Variants in SIPA1L3 observed in about 807,000 individuals in gnomAD.
SIPA1L3 encodes the protein signal induced proliferation associated 1 like 3, also known as signal-induced proliferation-associated 1-like protein 3.
Under a neutral mutation model 150.1 loss-of-function variants are expected in SIPA1L3, and 59 were observed. The observed-to-expected ratio is 0.39, with a 90% confidence interval of 0.32 to 0.49. The LOEUF (loss-of-function observed/expected upper bound fraction) is 0.49, where lower values mean the gene tolerates loss of function less well. Ranked by LOEUF, SIPA1L3 falls within the 20% of genes least tolerant of loss-of-function variation. The probability of loss-of-function intolerance (pLI) is 0.86; values close to 1 mark genes in which losing one functional copy is unlikely to be tolerated. For synonymous variants in SIPA1L3, 1,070 were observed against 1,077.6 expected, an observed-to-expected ratio of 0.99 and a Z score of 0.14; for missense variants, 2,211 against 2,489.5, an observed-to-expected ratio of 0.89 and a Z score of 2.38.
At chr19:38,014,950 T>A (rs1452431716) in intron 1 of SIPA1L3, among the ~76,000 whole-genome samples, 1 of 152,124 alleles carries the variant, frequency 6.6e-6, no homozygotes, top group Non-Finnish European at 1.5e-5. Context: ...ATTACAGGTG[T>A]GAGCCACCGT....
chr19:37,926,862 G>T (rs185815169), intron 1 of SIPA1L3, among the ~76,000 whole-genome samples: 6 of 152,272 alleles, frequency 3.9e-5, no homozygotes, highest in Admixed American at 3.9e-4. Flanking sequence ...TCTGCTGCAT[G>T]CAAGACACTG....
rs75241112 is a variant in SIPA1L3, at chr19:38,204,954, G to A, written c.5202+746G>A. ...GTAAATTATAGGGTGTCCATGCAGC[G>A]GAACAGCTTGCAGCCAATTAAAGTA... On this transcript the variant is annotated intron_variant, in intron 21 of 21. Coordinates refer to ENST00000222345, the MANE Select transcript of SIPA1L3 (RefSeq NM_015073.3). 2.8e-4 allele frequency among the ~76,000 whole-genome samples: 42 copies of A among 152,260 alleles called. No individual in the cohort carries two copies. In the East Asian group the frequency reaches 6.6e-3, roughly 24 times the overall value.
chr19:38,099,951 C>G lies in SIPA1L3; in HGVS notation c.1666-11C>G. ...AGAGCCCCCTAACCTTCCCTTCTCT[C>G]CCTTGAGTAGCTCATCACCCTGCGG... On this transcript the variant is annotated splice_polypyrimidine_tract_variant and intron_variant, in intron 4 of 21. Transcript: ENST00000222345. The G allele has an allele frequency of 6.3e-7, 1 of 1,590,432 alleles. No homozygotes were observed. The highest frequency in any genetic ancestry group is 8.5e-7 in the Non-Finnish European group (1 of 1,172,378).
intron 2 of SIPA1L3, among the ~76,000 whole-genome samples, chr19:38,077,807 A>G (rs1969880905): frequency 6.7e-6 from 1 of 150,162 alleles, no homozygotes; most frequent in Admixed American, 6.7e-5. Context: ...CGTAGCTGGG[A>G]CTACAGGTGT....
rs1261792226 is a variant in SIPA1L3 at position 38,206,142 on chromosome 19, C to T, written c.5248C>T (p.Arg1750Trp). ...GCTCCAGTCAGAGGTGGCCAGCCTGCGGCAGAACAACCAGCGGCTGCAGGA... is the reference window on the plus strand; with the variant it reads ...GCTCCAGTCAGAGGTGGCCAGCCTGTGGCAGAACAACCAGCGGCTGCAGGA... Reference protein sequence around the residue: ...VVLQSEVASLRQNNQRLQEES... With the variant: ...VVLQSEVASLWQNNQRLQEES... Residue 1750 changes from arginine (R) to tryptophan (W), a missense_variant, in exon 22 of 22, where the codon CGG (arginine) becomes TGG (tryptophan). This residue lies in a region of SIPA1L3 where 63 missense variants were observed against 106.1 expected (regional missense o/e 0.59). Coordinates refer to ENST00000222345, the MANE Select transcript of SIPA1L3 (RefSeq NM_015073.3). The T allele has an allele frequency of 2.6e-6, 4 of 1,551,022 alleles. No individual in the cohort carries two copies. The highest frequency in any genetic ancestry group is 3.5e-6 in the Non-Finnish European group (4 of 1,146,774).
intron 6 of SIPA1L3, among the ~76,000 whole-genome samples, chr19:38,101,651 T>G (rs1970506270): frequency 6.6e-6 from 1 of 152,158 alleles, no homozygotes; most frequent in African/African-American, 2.4e-5. Context: ...CCTCAAGTGA[T>G]CCACCCACCT....
At position 38,182,661 on chromosome 19, in the gene SIPA1L3, G is replaced by T. The variant is rs1213935702; in HGVS notation, c.4351G>T (p.Val1451Leu). Reference sequence around the variant, plus strand: ...CAAGTCCTTCTTCTCCAAGCAGCCTGTACGCAATAAGCACCCAACAGGGTG... The same window carrying T: ...CAAGTCCTTCTTCTCCAAGCAGCCTTTACGCAATAAGCACCCAACAGGGTG... ...VPKSFFSKQP[V>L]RNKHPTGWKR... The change falls in exon 16 of 22, where the codon GTA (valine) becomes TTA (leucine). Residue 1451 changes from valine to leucine, a missense_variant. Around this residue, in one of 5 missense-constraint regions of SIPA1L3, gnomAD observed 806 missense variants for 870.1 expected, o/e 0.93. Coordinates refer to ENST00000222345, the MANE Select transcript of SIPA1L3 (RefSeq NM_015073.3). 15 of 1,614,152 alleles carry T rather than the reference G, an allele frequency of 9.3e-6. No individual in the cohort carries two copies. Among genetic ancestry groups the T allele is most frequent in the Non-Finnish European group, 1.3e-5 (15 of 1,180,022 alleles).
At chr19:38,097,810 G>A (rs1397439717) in intron 4 of SIPA1L3, among the ~76,000 whole-genome samples, 3 of 152,148 alleles carry the variant, frequency 2.0e-5, no homozygotes, top group Non-Finnish European at 2.9e-5. Flanking sequence ...TGCCCACCTC[G>A]GCCTCTCAAA....
At chr19:37,934,893 C>T (rs980108482) in intron 1 of SIPA1L3, among the ~76,000 whole-genome samples, 2 of 152,162 alleles carry the variant, frequency 1.3e-5, no homozygotes, top group Admixed American at 6.5e-5. Context: ...TTAGTGGCTG[C>T]GTAACACACA....
intron 12 of SIPA1L3, among the ~76,000 whole-genome samples, chr19:38,149,278 G>A (rs1971768984): frequency 6.6e-6 from 1 of 152,126 alleles, no homozygotes; most frequent in South Asian, 2.1e-4. Context: ...GCGTGTGCCT[G>A]TCTTCCCTTG....
At chr19:38,076,093 T>G (rs1969831154) in intron 2 of SIPA1L3, among the ~76,000 whole-genome samples, 1 of 151,738 alleles carries the variant, frequency 6.6e-6, no homozygotes, top group African/African-American at 2.4e-5. Context: ...TGAGCTGAGA[T>G]CGCACCACTG....
intron 1 of SIPA1L3, among the ~76,000 whole-genome samples, chr19:37,933,596 A>G (rs910053983): frequency 2.6e-5 from 4 of 152,162 alleles, no homozygotes; most frequent in African/African-American, 9.7e-5. Flanking sequence ...AACATGATCC[A>G]AGGATGGGTG....
intron 13 of SIPA1L3, among the ~76,000 whole-genome samples, chr19:38,156,388 C>T: frequency 6.6e-6 from 1 of 151,406 alleles, no homozygotes. Context: ...AAAAAAGAAA[C>T]TCACCATTGC....
chr19:38,059,335 G>C (rs1302757952), intron 2 of SIPA1L3, among the ~76,000 whole-genome samples: 1 of 111,184 alleles, frequency 9.0e-6, no homozygotes, highest in East Asian at 2.4e-4. Flanking sequence ...TTTTTTTTGA[G>C]ACGGAGTCTC....
rs1301147309 is a variant in SIPA1L3 at position 38,207,691 on chromosome 19, G to C, written c.*1451G>C. On this transcript the variant is annotated 3_prime_UTR_variant, in exon 22 of 22. Transcript: ENST00000222345. The stretch of plus-strand genomic sequence containing the variant: ...CCAGGCAACCCGGCCCTTGTCCAGG[G>C]ACCTCTGCTGCCTTCTCTCTGGGGT... The C allele has an allele frequency of 6.6e-6, 1 of 152,172 alleles. No homozygotes were observed. The highest frequency in any genetic ancestry group is 2.4e-5 in the African/African-American group (1 of 41,412). The allele number at this position is 152,172 out of a possible 1,614,324, so 9.4% of individuals were successfully genotyped here.
chr19:38,165,037 T>C (rs1447356684), intron 15 of SIPA1L3, 131 bp downstream of exon 15: 5 of 899,746 alleles, frequency 5.6e-6, no homozygotes, highest in Non-Finnish European at 8.1e-6. Flanking sequence ...ATTGGTTTGC[T>C]GACAGAATTG....
At chr19:37,960,877 T>G (rs1252689149) in intron 1 of SIPA1L3, among the ~76,000 whole-genome samples, 1 of 151,508 alleles carries the variant, frequency 6.6e-6, no homozygotes, top group African/African-American at 2.4e-5. Context: ...AATATATTTT[T>G]TTTTGTTTTG....
At chr19:38,001,021 TCA>T (rs1262433671) in intron 1 of SIPA1L3, among the ~76,000 whole-genome samples, 4 of 149,838 alleles carry the variant, frequency 2.7e-5, no homozygotes, top group Admixed American at 6.7e-5. Flanking sequence ...CACATATATA[TCA>T]CACACATATA....
chr19:38,101,276 T>C, intron 6 of SIPA1L3, 50 bp downstream of exon 6: 1 of 1,335,966 alleles, frequency 7.5e-7, no homozygotes, highest in Non-Finnish European at 9.9e-7. Context: ...GCACTCCTAC[T>C]CAACAGGCAA....
Sources: gnomAD v4.1 joint callset for allele counts (sites outside exome capture counted in the v4.1 genomes callset) on GRCh38, gnomAD v4.1.1 for gene constraint, gnomAD v4.1.1 regional missense constraint, MANE v1.5 for transcripts, NCBI Gene and HGNC (gene_info 2026-07-23, HGNC 2026-07-21) for gene names.